PXDNL: variants seen among roughly 807,000 people sequenced by gnomAD.
PXDNL encodes the protein probable oxidoreductase PXDNL.
PXDNL carries 145 observed loss-of-function variants against 150.8 expected under a neutral mutation model. The observed-to-expected ratio is 0.96, with a 90% CI of 0.84 to 1.10. PXDNL has a LOEUF of 1.10. Among genes scored for constraint, PXDNL ranks in the 50% least tolerant of loss-of-function variants. PXDNL has a pLI of 0.00. For synonymous variants in PXDNL, 757 were observed against 725.7 expected, an observed-to-expected ratio of 1.04 and a Z score of -0.69; for missense variants, 2,087 against 1,873.9, an observed-to-expected ratio of 1.11 and a Z score of -2.10.
At chr8:51,478,588 T>A (rs1282784047) in intron 6 of PXDNL, among the ~76,000 whole-genome samples, 3 of 152,216 alleles carry the variant, frequency 2.0e-5, no homozygotes, top group South Asian at 2.1e-4. Context: ...AGAAATGGCA[T>A]GGTACAGATG....
intron 3 of PXDNL, among the ~76,000 whole-genome samples, chr8:51,561,391 A>G (rs75146920): frequency 0.018 from 2,672 of 152,028 alleles, 84 homozygotes; most frequent in African/African-American, 0.06. Context: ...AAAATGTGGT[A>G]TATACATACA....
At chr8:51,356,508 A>AG (rs1341906298) in intron 19 of PXDNL, among the ~76,000 whole-genome samples, 15 of 151,696 alleles carry the variant, frequency 9.9e-5, no homozygotes, top group Non-Finnish European at 2.2e-4. Context: ...AAAAAAAAAA[A>AG]AAAGAAAATC....
chr8:51,522,879 A>C (rs181079008), intron 4 of PXDNL, among the ~76,000 whole-genome samples: 199 of 151,650 alleles, frequency 1.3e-3, no homozygotes, highest in South Asian at 3.3e-3. Context: ...AACAAACAAA[A>C]AAAAAACAGA....
chr8:51,450,016 T>C (rs1423833903), intron 10 of PXDNL, among the ~76,000 whole-genome samples: 1 of 152,194 alleles, frequency 6.6e-6, no homozygotes, highest in Non-Finnish European at 1.5e-5. Context: ...TATTTCTCGA[T>C]TATGTGCTAA....
chr8:51,659,053 T>A (rs1815214138), intron 1 of PXDNL, among the ~76,000 whole-genome samples: 1 of 152,232 alleles, frequency 6.6e-6, no homozygotes, highest in African/African-American at 2.4e-5. Context: ...TTCATTTATA[T>A]AAAATTTGTC....
At chr8:51,684,544 G>A (rs557599474) in intron 1 of PXDNL, among the ~76,000 whole-genome samples, 144 of 152,314 alleles carry the variant, frequency 9.5e-4, no homozygotes, top group African/African-American at 3.3e-3. Flanking sequence ...CCTATGGGAT[G>A]TCACTGTGTG....
At chr8:51,573,937 G>C (rs777662572) in intron 3 of PXDNL, among the ~76,000 whole-genome samples, 1 of 151,866 alleles carries the variant, frequency 6.6e-6, no homozygotes, top group Non-Finnish European at 1.5e-5. Flanking sequence ...ACAGAGTAAA[G>C]ACTATGTAAA....
intron 11 of PXDNL, among the ~76,000 whole-genome samples, chr8:51,447,440 G>T (rs1209820329): frequency 6.6e-6 from 1 of 151,966 alleles, no homozygotes. Context: ...TGTGCCCCTC[G>T]GCCTTACTAT....
intron 2 of PXDNL, among the ~76,000 whole-genome samples, chr8:51,613,441 T>C (rs1365264428): frequency 8.1e-6 from 1 of 122,854 alleles, no homozygotes; most frequent in Non-Finnish European, 1.6e-5. Context: ...ACCCAGAGAT[T>C]TTAGGTAAAG....
At chr8:51,558,925 C>T (rs1812654765) in intron 3 of PXDNL, among the ~76,000 whole-genome samples, 1 of 151,930 alleles carries the variant, frequency 6.6e-6, no homozygotes, top group Admixed American at 6.6e-5. Flanking sequence ...AATAAAGAGA[C>T]AGAAAGGACC....
chr8:51,485,663 C>T (rs1324178217), intron 5 of PXDNL, among the ~76,000 whole-genome samples: 2 of 152,180 alleles, frequency 1.3e-5, no homozygotes, highest in Non-Finnish European at 2.9e-5. Context: ...CTCCACCCTG[C>T]TCCTGGGCTA....
chr8:51,626,528 T>TC (rs1330879785), intron 2 of PXDNL, among the ~76,000 whole-genome samples: 2 of 152,268 alleles, frequency 1.3e-5, no homozygotes, highest in South Asian at 2.1e-4. Context: ...CTCACAGCTT[T>TC]CCCAGGCAGC....
chr8:51,721,008 A>T (rs549026100), intron 1 of PXDNL, among the ~76,000 whole-genome samples: 15 of 152,350 alleles, frequency 9.8e-5, no homozygotes, highest in Non-Finnish European at 2.9e-5. Context: ...GCTCTTCCAG[A>T]TAGTGACAGG....
At chr8:51,511,872 T>A (rs1179108586) in intron 4 of PXDNL, among the ~76,000 whole-genome samples, 2 of 152,144 alleles carry the variant, frequency 1.3e-5, no homozygotes, top group Admixed American at 1.3e-4. Context: ...AAAGCCCCCT[T>A]CCCCAGTATA....
At chr8:51,689,539 C>A (rs543614875) in intron 1 of PXDNL, among the ~76,000 whole-genome samples, 2 of 152,050 alleles carry the variant, frequency 1.3e-5, no homozygotes, top group Non-Finnish European at 2.9e-5. Context: ...GGTGATGCCC[C>A]AAGTAATGAT....
intron 3 of PXDNL, among the ~76,000 whole-genome samples, chr8:51,585,824 C>G (rs777715985): frequency 6.6e-6 from 1 of 152,098 alleles, no homozygotes; most frequent in South Asian, 2.1e-4. Flanking sequence ...TTCTCACAAC[C>G]TTCTTGCTCC....
chr8:51,527,354 GC>G (rs2130412762), intron 4 of PXDNL, among the ~76,000 whole-genome samples: 1 of 152,176 alleles, frequency 6.6e-6, no homozygotes, highest in Admixed American at 6.5e-5. Context: ...ATTTCCATTT[GC>G]TTGATAGGCT....
intron 5 of PXDNL, among the ~76,000 whole-genome samples, chr8:51,492,332 C>T (rs1020204697): frequency 2.0e-5 from 3 of 152,100 alleles, no homozygotes; most frequent in African/African-American, 7.2e-5. Context: ...AGGAACAGCT[C>T]CAGTCTACAG....
chr8:51,558,508 C>T (rs1376072828), intron 3 of PXDNL, among the ~76,000 whole-genome samples: 4 of 152,026 alleles, frequency 2.6e-5, no homozygotes, highest in Non-Finnish European at 5.9e-5. Context: ...GAGAGGCATA[C>T]AAACACTATA....
Sources: allele counts gnomAD v4.1 joint callset (sites outside exome capture counted in the v4.1 genomes callset), GRCh38; gene constraint gnomAD v4.1.1; transcripts MANE v1.5; gene names NCBI Gene and HGNC (gene_info 2026-07-23, HGNC 2026-07-21).